Variants in RAD51B observed in about 807,000 individuals in gnomAD.
RAD51B encodes DNA repair protein RAD51 homolog 2.
RAD51B carries 38 observed loss-of-function variants against 42.2 expected under a neutral mutation model. The observed-to-expected ratio is 0.90, with a 90% CI of 0.70 to 1.18. The LOEUF (loss-of-function observed/expected upper bound fraction) is 1.18. Among genes scored for constraint, RAD51B ranks in the 50% most tolerant of loss-of-function variants. RAD51B has a pLI of 0.00. For synonymous variants in RAD51B, 154 were observed against 145.2 expected, an observed-to-expected ratio of 1.06 and a Z score of -0.43; for missense variants, 373 against 400.7, an observed-to-expected ratio of 0.93 and a Z score of 0.59.
intron 10 of RAD51B, among the ~76,000 whole-genome samples, chr14:68,592,724 A>G (rs1003687937): frequency 5.9e-5 from 9 of 152,212 alleles, no homozygotes; most frequent in African/African-American, 1.7e-4. Flanking sequence ...TTCTTACAAA[A>G]CTCTGGATGT....
At chr14:68,579,157 A>G (rs1199927849) in intron 10 of RAD51B, among the ~76,000 whole-genome samples, 1 of 152,142 alleles carries the variant, frequency 6.6e-6, no homozygotes, top group Non-Finnish European at 1.5e-5. Flanking sequence ...TGAAAATTCA[A>G]GAGTCTACAG....
At chr14:68,058,278 C>T (rs1195311003) in intron 7 of RAD51B, among the ~76,000 whole-genome samples, 3 of 152,138 alleles carry the variant, frequency 2.0e-5, no homozygotes, top group African/African-American at 7.2e-5. Context: ...TGGTCACATA[C>T]CTTTGACCCT....
At chr14:67,921,567 T>TCTCA (rs1333717744) in intron 7 of RAD51B, among the ~76,000 whole-genome samples, 11 of 125,946 alleles carry the variant, frequency 8.7e-5, no homozygotes, top group African/African-American at 2.7e-4. Flanking sequence ...TATGTGCACA[T>TCTCA]CACACACACA....
chr14:67,919,395 C>A (rs147682993), intron 7 of RAD51B, among the ~76,000 whole-genome samples: 1 of 152,306 alleles, frequency 6.6e-6, no homozygotes, highest in African/African-American at 2.4e-5. Context: ...GCTGTCCTCC[C>A]TCCTCCCTTT....
At chr14:68,372,893 C>T (rs1372852044) in intron 8 of RAD51B, among the ~76,000 whole-genome samples, 4 of 152,236 alleles carry the variant, frequency 2.6e-5, no homozygotes, top group Non-Finnish European at 5.9e-5. Context: ...CATTCTCCTT[C>T]CCTAGCACTC....
At chr14:68,416,515 C>T (rs2084564053) in intron 9 of RAD51B, among the ~76,000 whole-genome samples, 2 of 152,188 alleles carry the variant, frequency 1.3e-5, no homozygotes, top group Non-Finnish European at 1.5e-5. Flanking sequence ...GAAATGCACT[C>T]CCTGTAGCTA....
intron 10 of RAD51B, among the ~76,000 whole-genome samples, chr14:68,583,209 G>T (rs1334546692): frequency 6.6e-6 from 1 of 152,192 alleles, no homozygotes; most frequent in Non-Finnish European, 1.5e-5. Flanking sequence ...GGCAGGTGCT[G>T]TGGCTCACTA....
intron 8 of RAD51B, among the ~76,000 whole-genome samples, chr14:68,317,402 GT>G (rs1431818860): frequency 1.3e-5 from 2 of 152,190 alleles, no homozygotes; most frequent in Non-Finnish European, 2.9e-5. Flanking sequence ...AGAACTAGTA[GT>G]CCAGTGGTTT....
chr14:68,469,056 A>C (rs752521140), intron 10 of RAD51B: 1 of 494,900 alleles, frequency 2.0e-6, no homozygotes, highest in Non-Finnish European at 4.1e-6. Context: ...GGATCTGCAC[A>C]GAAGTGCTCA....
chr14:68,210,464 A>T (rs1401840907), intron 7 of RAD51B, among the ~76,000 whole-genome samples: 1 of 152,066 alleles, frequency 6.6e-6, no homozygotes, highest in Non-Finnish European at 1.5e-5. Flanking sequence ...GATCTTAAAG[A>T]TATTAGGGAT....
intron 8 of RAD51B, among the ~76,000 whole-genome samples, chr14:68,324,521 G>A (rs963608473): frequency 7.2e-5 from 11 of 152,184 alleles, no homozygotes; most frequent in African/African-American, 1.7e-4. Flanking sequence ...CAGTCTGCAC[G>A]TGCTCTGGCT....
chr14:68,075,670 C>T (rs1488873646), intron 7 of RAD51B, among the ~76,000 whole-genome samples: 1 of 151,950 alleles, frequency 6.6e-6, no homozygotes, highest in Non-Finnish European at 1.5e-5. Context: ...GGAGCTGCAC[C>T]CCTGGGAAAT....
chr14:67,981,387 T>A (rs2075090076), intron 7 of RAD51B, among the ~76,000 whole-genome samples: 3 of 152,236 alleles, frequency 2.0e-5, no homozygotes, highest in Admixed American at 2.0e-4. Context: ...ATAACCACTT[T>A]AAAAAATAGT....
At chr14:68,462,593 G>A (rs1223311334) in intron 9 of RAD51B, among the ~76,000 whole-genome samples, 1 of 152,160 alleles carries the variant, frequency 6.6e-6, no homozygotes, top group Non-Finnish European at 1.5e-5. Flanking sequence ...GTCTCACGAT[G>A]TTGCCCAGGC....
chr14:68,243,121 A>T (rs574020201), intron 7 of RAD51B, among the ~76,000 whole-genome samples: 1 of 152,338 alleles, frequency 6.6e-6, no homozygotes, highest in African/African-American at 2.4e-5. Flanking sequence ...GAATTAATTT[A>T]CATCTAAAAC....
At chr14:67,924,272 T>G (rs904924450) in intron 7 of RAD51B, among the ~76,000 whole-genome samples, 3 of 152,182 alleles carry the variant, frequency 2.0e-5, no homozygotes, top group Non-Finnish European at 2.9e-5. Context: ...GTTGCGTTTA[T>G]TTTTGGGTTC....
intron 8 of RAD51B, among the ~76,000 whole-genome samples, chr14:68,359,017 C>G (rs2082963811): frequency 6.6e-6 from 1 of 152,128 alleles, no homozygotes; most frequent in Non-Finnish European, 1.5e-5. Flanking sequence ...TCTCCTAATT[C>G]ATACCACCCC....
chr14:68,396,175 T>C (rs933244098), intron 8 of RAD51B, among the ~76,000 whole-genome samples: 10 of 152,220 alleles, frequency 6.6e-5, no homozygotes, highest in Admixed American at 2.0e-4. Flanking sequence ...TTTTGTCATC[T>C]ATAAAATAGG....
At chr14:68,195,389 A>G (rs1033868070) in intron 7 of RAD51B, among the ~76,000 whole-genome samples, 1 of 129,650 alleles carries the variant, frequency 7.7e-6, no homozygotes. Flanking sequence ...TTACCATCTC[A>G]GCTTCTCCAG....
Sources: allele counts gnomAD v4.1 joint callset (sites outside exome capture counted in the v4.1 genomes callset), GRCh38; gene constraint gnomAD v4.1.1; transcripts MANE v1.5; gene names NCBI Gene and HGNC (gene_info 2026-07-23, HGNC 2026-07-21).